Variants in KAZN observed in about 807,000 individuals in gnomAD.
The protein encoded by KAZN is kazrin.
In KAZN, 40 loss-of-function variants were observed where a neutral mutation model predicts 87.4. That is an observed-to-expected ratio of 0.46 (90% CI 0.36 to 0.60). The LOEUF (loss-of-function observed/expected upper bound fraction) is 0.60, where lower values mean the gene tolerates loss of function less well. Among genes scored for constraint, KAZN ranks in the 20% least tolerant of loss-of-function variants. The probability of loss-of-function intolerance (pLI) is 0.00; values close to 1 mark genes in which losing one functional copy is unlikely to be tolerated. For synonymous variants in KAZN, 466 were observed against 458.3 expected (o/e 1.02, Z -0.22); for missense variants, 898 against 1,073.9 (o/e 0.84, Z 2.29).
At chr1:13,977,458 T>C (rs183022229) in intron 1 of KAZN, among the ~76,000 whole-genome samples, 1 of 152,186 alleles carries the variant, frequency 6.6e-6, no homozygotes, top group Non-Finnish European at 1.5e-5. Context: ...TCCTTCTGTC[T>C]GAGATCAATT....
intron 2 of KAZN, among the ~76,000 whole-genome samples, chr1:14,187,631 G>T (rs551556418): frequency 6.6e-6 from 1 of 152,286 alleles, no homozygotes; most frequent in East Asian, 1.9e-4. Flanking sequence ...GATATTTTCA[G>T]TTGTCCTGAC....
intron 1 of KAZN, among the ~76,000 whole-genome samples, chr1:14,747,109 C>T (rs1226574455): frequency 1.3e-5 from 2 of 152,120 alleles, no homozygotes; most frequent in Admixed American, 6.5e-5. Context: ...TGACTTCTTT[C>T]ACGTAACATA....
At chr1:15,083,405 A>T (rs932853160) in intron 8 of KAZN, among the ~76,000 whole-genome samples, 5 of 151,908 alleles carry the variant, frequency 3.3e-5, no homozygotes, top group African/African-American at 9.7e-5. Context: ...TGCCTGTGTC[A>T]CTCCAGCCCA....
chr1:15,070,269 T>C (rs1229416530), intron 8 of KAZN, among the ~76,000 whole-genome samples: 4 of 152,222 alleles, frequency 2.6e-5, no homozygotes, highest in African/African-American at 9.6e-5. Flanking sequence ...CTGCCTCACT[T>C]TTGTGACTCA....
intron 1 of KAZN, among the ~76,000 whole-genome samples, chr1:14,151,875 TTGTGG>T (rs1390869118): frequency 6.5e-4 from 99 of 152,260 alleles, no homozygotes; most frequent in African/African-American, 2.2e-3. Context: ...GGAATTATGG[TTGTGG>T]TATGACATTA....
chr1:14,662,964 C>CATATATAT (rs141562526), intron 1 of KAZN, among the ~76,000 whole-genome samples: 1,546 of 127,940 alleles, frequency 0.012, 40 homozygotes, highest in African/African-American at 0.04. Flanking sequence ...TATATGCACA[C>CATATATAT]ATATATATAT....
intron 1 of KAZN, among the ~76,000 whole-genome samples, chr1:14,078,332 C>T (rs556887782): frequency 5.3e-4 from 81 of 152,292 alleles, no homozygotes; most frequent in African/African-American, 1.9e-3. Flanking sequence ...CATTCAGCAT[C>T]GTGATTGGCA....
At chr1:14,610,458 C>T (rs902312504) in intron 1 of KAZN, among the ~76,000 whole-genome samples, 42 of 151,906 alleles carry the variant, frequency 2.8e-4, no homozygotes, top group African/African-American at 9.9e-4. Flanking sequence ...CTCCTGACCT[C>T]GTGATCGACC....
chr1:14,335,117 A>C (rs71629876), intron 2 of KAZN, among the ~76,000 whole-genome samples: 2,949 of 119,668 alleles, frequency 0.025, 41 homozygotes, highest in Non-Finnish European at 0.042. Context: ...CCCCCCCCCC[A>C]CCACCCCAGT....
chr1:14,138,158 C>T (rs1645152365), intron 1 of KAZN, among the ~76,000 whole-genome samples: 1 of 151,568 alleles, frequency 6.6e-6, no homozygotes, highest in Non-Finnish European at 1.5e-5. Context: ...ACTAGAAAAT[C>T]TGCCCACATC....
intron 2 of KAZN, among the ~76,000 whole-genome samples, chr1:14,234,561 A>T (rs1211415977): frequency 2.6e-5 from 4 of 152,202 alleles, no homozygotes; most frequent in Non-Finnish European, 5.9e-5. Flanking sequence ...AATAATAATA[A>T]TAATAAAAGC....
chr1:14,335,650 C>G lies in KAZN; in HGVS notation c.249+155058C>G, dbSNP rs1336606248. Among the ~76,000 whole-genome samples the G allele has an allele frequency of 4.7e-4, 71 of 152,266 alleles. 1 individual carries two copies. Among genetic ancestry groups the G allele is most frequent in the Non-Finnish European group, 2.9e-5 (2 of 68,022 alleles). ...TGCCATACTTGTATGGCCTGCAAAA[C>G]TGTGAGCCAAATAAACCTCTTTTCT... On this transcript the variant is annotated intron_variant, in intron 2 of 16. Transcript: ENST00000636203.
At chr1:14,787,224 G>A (rs1645535600) in intron 1 of KAZN, among the ~76,000 whole-genome samples, 1 of 152,322 alleles carries the variant, frequency 6.6e-6, no homozygotes, top group African/African-American at 2.4e-5. Flanking sequence ...TTTCACATGT[G>A]CTGAAGAGTG....
intron 2 of KAZN, among the ~76,000 whole-genome samples, chr1:14,458,015 G>A (rs1197967822): frequency 6.6e-6 from 1 of 151,862 alleles, no homozygotes; most frequent in African/African-American, 2.4e-5. Context: ...GTAGAGTTAT[G>A]GTTTCACTGC....
chr1:14,302,175 G>T (rs748938089), intron 2 of KAZN, among the ~76,000 whole-genome samples: 10 of 152,182 alleles, frequency 6.6e-5, no homozygotes, highest in Non-Finnish European at 1.5e-4. Context: ...AGCTTCCTCT[G>T]AAACCTTTCC....
At chr1:14,808,550 A>G (rs10927555) in intron 1 of KAZN, among the ~76,000 whole-genome samples, 59,022 of 151,288 alleles carry the variant, frequency 0.39, 12,945 homozygotes, top group African/African-American at 0.59. Flanking sequence ...CACCCACCTC[A>G]GCCTCCTAAA....
At chr1:14,795,724 C>A (rs1645809408) in intron 1 of KAZN, among the ~76,000 whole-genome samples, 2 of 152,100 alleles carry the variant, frequency 1.3e-5, no homozygotes. Context: ...ACACCAGCCC[C>A]TCTGGCCTCA....
chr1:14,171,788 G>T (rs986822658), intron 1 of KAZN, among the ~76,000 whole-genome samples: 5 of 151,978 alleles, frequency 3.3e-5, no homozygotes, highest in African/African-American at 9.7e-5. Flanking sequence ...GTGACATCTG[G>T]ACTCATCTAC....
intron 1 of KAZN, among the ~76,000 whole-genome samples, chr1:14,125,631 C>T (rs534773597): frequency 4.1e-4 from 62 of 152,154 alleles, no homozygotes; most frequent in African/African-American, 1.4e-3. Flanking sequence ...TTTGGGGGAG[C>T]GGGGCCCTGC....
Sources: gnomAD v4.1 joint callset for allele counts (sites outside exome capture counted in the v4.1 genomes callset) on GRCh38, gnomAD v4.1.1 for gene constraint, MANE v1.5 for transcripts, NCBI Gene and HGNC (gene_info 2026-07-23, HGNC 2026-07-21) for gene names.